LRRC40: variants seen among roughly 807,000 people sequenced by gnomAD.
The protein encoded by LRRC40 is leucine-rich repeat-containing protein 40.
In LRRC40, 76 loss-of-function variants were observed where a neutral mutation model predicts 72.8. The ratio of observed to expected loss-of-function variants is 1.04; its 90% confidence interval spans 0.87 to 1.26. The LOEUF is 1.26. LRRC40 is among the 50% of genes most tolerant of loss of function. LRRC40 has a pLI of 0.00. For missense variants in LRRC40, 684 were observed against 698.9 expected (o/e 0.98, Z 0.24); for synonymous variants, 243 against 254.2 (o/e 0.96, Z 0.42).
intron 1 of LRRC40, among the ~76,000 whole-genome samples, chr1:70,199,140 G>A (rs1432738669): frequency 6.6e-6 from 1 of 151,824 alleles, no homozygotes; most frequent in Admixed American, 6.6e-5. Flanking sequence ...GCAACAGAGT[G>A]AGATCCTGTC....
chr1:70,160,509 A>G (rs1051632193), intron 9 of LRRC40, among the ~76,000 whole-genome samples: 1 of 152,198 alleles, frequency 6.6e-6, no homozygotes, highest in Non-Finnish European at 1.5e-5. Flanking sequence ...CTCTAGTAGT[A>G]GTACTACTCC....
At chr1:70,181,247 G>A in intron 4 of LRRC40, 38 bp from the exon 5 acceptor site, 5 of 1,288,342 alleles carry the variant, frequency 3.9e-6, no homozygotes, top group Non-Finnish European at 5.3e-6. Flanking sequence ...GAATAAACAA[G>A]TAAAAAAATA....
In LRRC40 at chr1:70,189,289, C is replaced by G; in HGVS notation, c.152-16G>C. 1 of 1,366,850 alleles carries G rather than the reference C, an allele frequency of 7.3e-7. No individual in the cohort carries two copies. The highest frequency in any genetic ancestry group is 9.6e-7 in the Non-Finnish European group (1 of 1,036,706). The allele number at this position is 1,366,850 out of a possible 1,614,324, so 84.7% of individuals were successfully genotyped here. A position where few individuals can be genotyped will look rare whatever the true frequency, so the allele number is the denominator to read the frequency against. On this transcript the variant is annotated splice_polypyrimidine_tract_variant and intron_variant, in intron 1 of 14. Coordinates refer to ENST00000370952, the MANE Select transcript of LRRC40 (RefSeq NM_017768.5). ...CACTGCGGCACTAGTTCCATCAGCA[C>G]CACACCAGGAAAAAAAAAAAAAAAA...
chr1:70,195,815 T>G (rs1397591817), intron 1 of LRRC40, among the ~76,000 whole-genome samples: 1 of 152,152 alleles, frequency 6.6e-6, no homozygotes, highest in East Asian at 1.9e-4. Flanking sequence ...TTTGTATTTT[T>G]AGTAGAGGCG....
intron 6 of LRRC40, among the ~76,000 whole-genome samples, chr1:70,176,188 G>A (rs1243433655): frequency 6.6e-6 from 1 of 152,024 alleles, no homozygotes; most frequent in Non-Finnish European, 1.5e-5. Context: ...AAAATTTTTT[G>A]GCAATTTAAA....
chr1:70,169,812 T>C (rs757290113), intron 9 of LRRC40, among the ~76,000 whole-genome samples: 3 of 152,148 alleles, frequency 2.0e-5, no homozygotes, highest in Non-Finnish European at 2.9e-5. Flanking sequence ...GAGAAGCCCA[T>C]GCCTAAATGG....
chr1:70,205,412 C>CACTG lies in LRRC40; in HGVS notation c.128_129insCAGT (p.Gly45ValfsTer3). The CACTG allele has an allele frequency of 1.9e-6, 3 of 1,596,062 alleles. No homozygotes were observed. Among genetic ancestry groups the CACTG allele is most frequent in the Non-Finnish European group, 1.7e-6 (2 of 1,166,390 alleles). ...TACCTTCACTGAGGTTTCTACCCGA[C>CACTG]AGGTTTAACTGGCCGCTCTTCCTCG... On this transcript the variant is annotated frameshift_variant, in exon 1 of 15. Transcript: ENST00000370952. LOFTEE classifies it high-confidence loss of function.
At chr1:70,202,848 T>A (rs565489811) in intron 1 of LRRC40, among the ~76,000 whole-genome samples, 27 of 152,254 alleles carry the variant, frequency 1.8e-4, no homozygotes, top group Non-Finnish European at 4.0e-4. Context: ...CGTTAAAAAA[T>A]TTTAAAGTAT....
intron 9 of LRRC40, among the ~76,000 whole-genome samples, chr1:70,169,967 A>G (rs1359738735): frequency 6.6e-6 from 1 of 152,184 alleles, no homozygotes; most frequent in African/African-American, 2.4e-5. Flanking sequence ...AAACAAAAAA[A>G]AATCACAAGA....
At chr1:70,181,505 C>T (rs1668245655) in intron 4 of LRRC40, among the ~76,000 whole-genome samples, 1 of 151,894 alleles carries the variant, frequency 6.6e-6, no homozygotes, top group Non-Finnish European at 1.5e-5. Context: ...CAAAGTCATG[C>T]CATATTATGC....
At chr1:70,156,793 G>A (rs1667648089) in intron 10 of LRRC40, among the ~76,000 whole-genome samples, 2 of 152,098 alleles carry the variant, frequency 1.3e-5, no homozygotes, top group Admixed American at 1.3e-4. Context: ...AGGTCAGAGA[G>A]GGATAGCATA....
At chr1:70,185,932 T>C (rs1044198067) in intron 3 of LRRC40, among the ~76,000 whole-genome samples, 1 of 152,180 alleles carries the variant, frequency 6.6e-6, no homozygotes, top group African/African-American at 2.4e-5. Context: ...GCTATTTTCA[T>C]GCCATATACA....
intron 10 of LRRC40, among the ~76,000 whole-genome samples, chr1:70,157,539 G>A (rs1350316847): frequency 6.6e-6 from 1 of 151,976 alleles, no homozygotes; most frequent in East Asian, 1.9e-4. Context: ...CTACTTTATA[G>A]ATTGTCTGCA....
intron 6 of LRRC40, among the ~76,000 whole-genome samples, chr1:70,177,501 G>A (rs908589996): frequency 6.6e-6 from 1 of 152,098 alleles, no homozygotes; most frequent in Non-Finnish European, 1.5e-5. Context: ...AGTAAAAAAT[G>A]ATCTCTTGCA....
intron 7 of LRRC40, 83 bp downstream of exon 7, chr1:70,175,727 C>T (rs1668088377): frequency 9.7e-7 from 1 of 1,027,040 alleles, no homozygotes; most frequent in African/African-American, 1.7e-5. Flanking sequence ...AAAGGAACCT[C>T]TTGGTTTTTT....
intron 13 of LRRC40, among the ~76,000 whole-genome samples, chr1:70,150,281 C>T (rs1311364310): frequency 1.3e-5 from 2 of 152,180 alleles, no homozygotes; most frequent in African/African-American, 4.8e-5. Context: ...AACAATGTGA[C>T]ATAGTTGTTA....
At chr1:70,150,670 A>C (rs764498347) in intron 13 of LRRC40, among the ~76,000 whole-genome samples, 2 of 152,210 alleles carry the variant, frequency 1.3e-5, no homozygotes, top group Non-Finnish European at 1.5e-5. Flanking sequence ...AAGCACATTG[A>C]ACTTCTTGAA....
Position 70,169,150 on chromosome 1 carries a change from T to C in LRRC40, c.1111+4315A>G, listed in dbSNP as rs1484087464. ...TCACAGACAACTTGCTGGCACAACATCCTGTTCCCAAATACCTCGCTCTGT... is the reference window on the plus strand; with the variant it reads ...TCACAGACAACTTGCTGGCACAACACCCTGTTCCCAAATACCTCGCTCTGT... On this transcript the variant is annotated intron_variant, in intron 9 of 14. Transcript: ENST00000370952. Among the ~76,000 whole-genome samples the C allele has an allele frequency of 3.9e-5, 6 of 152,038 alleles. No homozygotes were observed. The East Asian group carries it at 9.7e-4, about 24-fold the overall frequency.
At chr1:70,197,998 G>A (rs1668654428) in intron 1 of LRRC40, among the ~76,000 whole-genome samples, 1 of 152,136 alleles carries the variant, frequency 6.6e-6, no homozygotes, top group East Asian at 1.9e-4. Context: ...CCAGGCTCAA[G>A]TGATCCGCCT....
Sources: gnomAD v4.1 joint callset for allele counts (sites outside exome capture counted in the v4.1 genomes callset) on GRCh38, gnomAD v4.1.1 for gene constraint, MANE v1.5 for transcripts, NCBI Gene and HGNC (gene_info 2026-07-23, HGNC 2026-07-21) for gene names.